Variants in CSMD1 observed in about 807,000 individuals in gnomAD.
CSMD1 encodes the protein CUB and sushi domain-containing protein 1.
CSMD1 carries 213 observed loss-of-function variants against 417.5 expected under a neutral mutation model. That is an observed-to-expected ratio of 0.51 (90% CI 0.46 to 0.57). The LOEUF (loss-of-function observed/expected upper bound fraction) is 0.57. Ranked by LOEUF, CSMD1 falls within the 20% of genes least tolerant of loss-of-function variation. CSMD1 has a pLI of 0.00. For synonymous variants in CSMD1, 2,862 were observed against 1,736.8 expected (o/e 1.65, Z -16.11); for missense variants, 6,923 against 4,529.7 (o/e 1.53, Z -15.17).
intron 5 of CSMD1, among the ~76,000 whole-genome samples, chr8:3,946,332 A>G (rs1242162828): frequency 1.3e-5 from 2 of 151,968 alleles, no homozygotes; most frequent in East Asian, 3.9e-4. Flanking sequence ...ATTACCTCAC[A>G]TTTTCGTCAA....
At chr8:3,194,821 A>G (rs1796614373) in intron 33 of CSMD1, among the ~76,000 whole-genome samples, 1 of 151,980 alleles carries the variant, frequency 6.6e-6, no homozygotes, top group African/African-American at 2.4e-5. Context: ...TTCCAGCAGA[A>G]GACCCTGGAA....
intron 3 of CSMD1, among the ~76,000 whole-genome samples, chr8:4,091,481 A>C (rs940343351): frequency 5.9e-5 from 9 of 152,190 alleles, no homozygotes; most frequent in African/African-American, 2.2e-4. Context: ...GGGATTTTTA[A>C]AAGTATTTAC....
chr8:4,112,486 G>C (rs763745237), intron 3 of CSMD1, among the ~76,000 whole-genome samples: 1 of 152,114 alleles, frequency 6.6e-6, no homozygotes, highest in African/African-American at 2.4e-5. Context: ...CCTGCCAATG[G>C]AGTGACCCAT....
At chr8:3,857,734 G>A (rs1054772949) in intron 5 of CSMD1, among the ~76,000 whole-genome samples, 1 of 152,198 alleles carries the variant, frequency 6.6e-6, no homozygotes, top group African/African-American at 2.4e-5. Flanking sequence ...TACAAAGACA[G>A]TTTTTGACAG....
chr8:3,572,917 G>C (rs1018122789), intron 10 of CSMD1, among the ~76,000 whole-genome samples: 7 of 151,982 alleles, frequency 4.6e-5, no homozygotes, highest in Non-Finnish European at 8.8e-5. Context: ...TGATTTTCTG[G>C]AGACCAAACA....
chr8:3,896,001 T>C (rs1807335002), intron 5 of CSMD1, among the ~76,000 whole-genome samples: 1 of 152,214 alleles, frequency 6.6e-6, no homozygotes, highest in Admixed American at 6.5e-5. Context: ...AATCATTCAG[T>C]GCAGTGTGGT....
intron 25 of CSMD1, among the ~76,000 whole-genome samples, chr8:3,286,905 A>G (rs1235733724): frequency 1.3e-5 from 2 of 152,112 alleles, no homozygotes; most frequent in Non-Finnish European, 2.9e-5. Context: ...GCCCATGCCT[A>G]TGTCCTGAAT....
chr8:4,461,983 C>T (rs997676847), intron 2 of CSMD1, among the ~76,000 whole-genome samples: 1 of 151,948 alleles, frequency 6.6e-6, no homozygotes, highest in Non-Finnish European at 1.5e-5. Flanking sequence ...CCTCCTGATC[C>T]GCCCACCTCG....
Position 4,076,304 on chromosome 8 carries a change from G to T in CSMD1, c.416-44205C>A, listed in dbSNP as rs536644416. On this transcript the variant is annotated intron_variant, in intron 3 of 69. Transcript: ENST00000635120. ...GCTTCTCCCTCTGCCATGATTTTAA[G>T]TTTCCTGAGGCCTCCCAGCCTTGCA... Among the ~76,000 whole-genome samples, 3 of 152,292 alleles carry T rather than the reference G, an allele frequency of 2.0e-5. No homozygotes were observed. The East Asian group carries it at 5.8e-4, about 29-fold the overall frequency.
At chr8:4,089,227 G>T (rs997155162) in intron 3 of CSMD1, among the ~76,000 whole-genome samples, 1 of 152,126 alleles carries the variant, frequency 6.6e-6, no homozygotes, top group Non-Finnish European at 1.5e-5. Flanking sequence ...AGCTCCATAA[G>T]GACATGGGTC....
intron 1 of CSMD1, among the ~76,000 whole-genome samples, chr8:4,779,423 T>G (rs1248466641): frequency 6.6e-6 from 1 of 152,154 alleles, no homozygotes; most frequent in African/African-American, 2.4e-5. Context: ...ATTACCCCTG[T>G]GAAAGAGAAA....
At chr8:3,517,242 A>T (rs1165348180) in intron 10 of CSMD1, among the ~76,000 whole-genome samples, 3 of 152,168 alleles carry the variant, frequency 2.0e-5, no homozygotes, top group African/African-American at 4.8e-5. Flanking sequence ...CTGTGATTAG[A>T]GGGAAAACTT....
chr8:3,186,090 T>C (rs868743618), intron 36 of CSMD1, among the ~76,000 whole-genome samples: 2 of 152,094 alleles, frequency 1.3e-5, no homozygotes, highest in Non-Finnish European at 2.9e-5. Context: ...ATCACCTACC[T>C]GTAATGCTGT....
At chr8:4,845,247 G>A (rs954859389) in intron 1 of CSMD1, among the ~76,000 whole-genome samples, 1 of 152,186 alleles carries the variant, frequency 6.6e-6, no homozygotes. Flanking sequence ...TATTATATTT[G>A]ATAAAGACAC....
At chr8:3,530,986 G>A (rs1797956527) in intron 10 of CSMD1, among the ~76,000 whole-genome samples, 1 of 151,394 alleles carries the variant, frequency 6.6e-6, no homozygotes, top group Non-Finnish European at 1.5e-5. Context: ...CTGAGTAGCT[G>A]GGACTGCAGG....
chr8:4,603,776 T>G (rs368482557), intron 2 of CSMD1, among the ~76,000 whole-genome samples: 1 of 152,112 alleles, frequency 6.6e-6, no homozygotes, highest in Non-Finnish European at 1.5e-5. Flanking sequence ...ACCGGAGAAG[T>G]TGGAATGAAA....
chr8:4,371,627 C>A (rs1409274494), intron 3 of CSMD1, among the ~76,000 whole-genome samples: 4 of 152,168 alleles, frequency 2.6e-5, no homozygotes, highest in Non-Finnish European at 4.4e-5. Context: ...TCTTACTGCA[C>A]AAATTCACTT....
chr8:3,721,362 G>A (rs1220663365), intron 6 of CSMD1, among the ~76,000 whole-genome samples: 39 of 152,260 alleles, frequency 2.6e-4, no homozygotes, highest in Non-Finnish European at 1.2e-4. Flanking sequence ...GCAGATGAAA[G>A]TGAATCATCA....
In CSMD1 at chr8:3,252,592, G is replaced by A. The variant is rs1444045749; in HGVS notation, c.4154-22361C>T. On this transcript the variant is annotated intron_variant, in intron 26 of 69. Coordinates refer to ENST00000635120, the MANE Select transcript of CSMD1 (RefSeq NM_033225.6). ...CTGGCCTCATAAAATGAGTTAGGGAGGATTCCCTCTTTTTCTATTGATTGA... is the reference window on the plus strand; with the variant it reads ...CTGGCCTCATAAAATGAGTTAGGGAAGATTCCCTCTTTTTCTATTGATTGA... Among the ~76,000 whole-genome samples the A allele has an allele frequency of 2.6e-5, 4 of 152,268 alleles. No homozygotes were observed. The East Asian group carries it at 5.8e-4, about 22-fold the overall frequency.
Sources: gnomAD v4.1 joint callset for allele counts (sites outside exome capture counted in the v4.1 genomes callset) on GRCh38, gnomAD v4.1.1 for gene constraint, MANE v1.5 for transcripts, NCBI Gene and HGNC (gene_info 2026-07-23, HGNC 2026-07-21) for gene names.